Variants in KIAA1217 observed in about 807,000 individuals in gnomAD.
The protein encoded by KIAA1217 is KIAA1217, also known as sickle tail protein homolog.
A neutral mutation model predicts 163.9 loss-of-function variants in KIAA1217; 88 were observed. That is an observed-to-expected ratio of 0.54 (90% CI 0.45 to 0.64). The LOEUF (loss-of-function observed/expected upper bound fraction) is 0.64, where lower values mean the gene tolerates loss of function less well. Among genes scored for constraint, KIAA1217 ranks in the 30% least tolerant of loss-of-function variants. The pLI, the probability that KIAA1217 is intolerant of heterozygous loss-of-function variation, is 0.00. For missense variants in KIAA1217, 2,372 were observed against 2,475.0 expected (o/e 0.96, Z 0.88); for synonymous variants, 903 against 923.1 (o/e 0.98, Z 0.39).
At chr10:24,211,831 G>A (rs1399124619) in intron 1 of KIAA1217, among the ~76,000 whole-genome samples, 1 of 151,800 alleles carries the variant, frequency 6.6e-6, no homozygotes, top group African/African-American at 2.4e-5. Flanking sequence ...GGTGTATATT[G>A]AAGGTAATGC....
intron 1 of KIAA1217, among the ~76,000 whole-genome samples, chr10:23,950,016 G>C (rs1189959803): frequency 6.6e-6 from 1 of 152,108 alleles, no homozygotes; most frequent in Non-Finnish European, 1.5e-5. Context: ...CTCAAGCGTA[G>C]ATTAATAAAT....
chr10:23,808,619 AAAT>A (rs778173917), intron 1 of KIAA1217, among the ~76,000 whole-genome samples: 33 of 152,112 alleles, frequency 2.2e-4, no homozygotes, highest in Non-Finnish European at 4.0e-4. Context: ...TAATCTGAGA[AAAT>A]GATGGAGAAT....
intron 2 of KIAA1217, among the ~76,000 whole-genome samples, chr10:24,184,297 T>C (rs2066321049): frequency 6.6e-6 from 1 of 152,224 alleles, no homozygotes. Flanking sequence ...GGTTTTAAAT[T>C]TCATCAGAGT....
intron 2 of KIAA1217, among the ~76,000 whole-genome samples, chr10:24,355,528 C>A (rs1171662545): frequency 6.6e-6 from 1 of 151,890 alleles, no homozygotes; most frequent in Non-Finnish European, 1.5e-5. Flanking sequence ...ATCACAAGGG[C>A]TCTACTCTTG....
chr10:24,201,888 T>A (rs2130528939), intron 2 of KIAA1217, among the ~76,000 whole-genome samples: 1 of 151,924 alleles, frequency 6.6e-6, no homozygotes, highest in Admixed American at 6.6e-5. Flanking sequence ...TTTGAGTCTC[T>A]GGACACCCCT....
intron 2 of KIAA1217, among the ~76,000 whole-genome samples, chr10:24,115,969 G>T (rs189287164): frequency 3.3e-5 from 5 of 152,240 alleles, no homozygotes; most frequent in Admixed American, 3.3e-4. Flanking sequence ...TTACTCACTT[G>T]TAACTAATCT....
At chr10:24,394,748 C>T (rs557660079) in intron 3 of KIAA1217, among the ~76,000 whole-genome samples, 338 of 152,280 alleles carry the variant, frequency 2.2e-3, no homozygotes, top group African/African-American at 7.9e-3. Context: ...TTGATTCACC[C>T]CACAAACGCC....
intron 2 of KIAA1217, among the ~76,000 whole-genome samples, chr10:24,345,008 G>A (rs566427419): frequency 5.9e-5 from 9 of 152,302 alleles, no homozygotes; most frequent in African/African-American, 2.2e-4. Flanking sequence ...ATTGAACAAA[G>A]AGGCATAGGC....
At position 24,524,500 on chromosome 10, in the gene KIAA1217, T is replaced by C; in HGVS notation, c.2634T>C (p.Pro878=). ...GCGATGCGAAGTCGGAAGTGGTGCCTTTGTCCGGCATGATGGTTCGCCACG... is the reference window on the plus strand; with the variant it reads ...GCGATGCGAAGTCGGAAGTGGTGCCCTTGTCCGGCATGATGGTTCGCCACG... The part of the protein sequence containing the change: ...APGDAKSEVV[P]LSGMMVRHAQ... The change falls in exon 13 of 21, where the codon CCT becomes CCC. Residue 878 remains proline, a synonymous_variant. Coordinates refer to ENST00000376454, the MANE Select transcript of KIAA1217 (RefSeq NM_019590.5). The C allele has an allele frequency of 6.2e-7, 1 of 1,614,112 alleles. No homozygotes were observed. Among genetic ancestry groups the C allele is most frequent in the Non-Finnish European group, 8.5e-7 (1 of 1,180,032 alleles).
At chr10:24,360,842 C>A (rs559315713) in intron 2 of KIAA1217, among the ~76,000 whole-genome samples, 1 of 151,178 alleles carries the variant, frequency 6.6e-6, no homozygotes, top group African/African-American at 2.4e-5. Context: ...CAAATCAAAT[C>A]TCCTGTTTTT....
chr10:24,197,639 G>A lies in KIAA1217; in HGVS notation c.-170-21987G>A, dbSNP rs141600016. On this transcript the variant is annotated intron_variant, in intron 2 of 18. Transcript: ENST00000376462. ...CTACATCCTGCCAATTTTACTTCCT[G>A]AGTATTTCTCAAAGCTTTGCCTTCT... Among the ~76,000 whole-genome samples the A allele has an allele frequency of 4.6e-3, 693 of 152,124 alleles. 2 individuals carry two copies. The highest frequency in any genetic ancestry group is 0.016 in the African/African-American group (662 of 41,382).
chr10:24,316,737 G>T, intron 2 of KIAA1217, among the ~76,000 whole-genome samples: 1 of 151,996 alleles, frequency 6.6e-6, no homozygotes, highest in South Asian at 2.1e-4. Context: ...GTCACCATTT[G>T]TATCTATCAG....
At chr10:24,258,285 G>C (rs1254424845) in intron 2 of KIAA1217, among the ~76,000 whole-genome samples, 1 of 152,126 alleles carries the variant, frequency 6.6e-6, no homozygotes, top group East Asian at 1.9e-4. Context: ...CTTGGTTGCT[G>C]TGTTCTCCAA....
At chr10:24,418,905 G>A (rs543556177) in intron 3 of KIAA1217, among the ~76,000 whole-genome samples, 4 of 151,608 alleles carry the variant, frequency 2.6e-5, no homozygotes, top group South Asian at 2.1e-4. Flanking sequence ...TGCTGGGTGC[G>A]GTGGCTCACG....
chr10:24,049,192 G>T (rs1849299690), intron 2 of KIAA1217, among the ~76,000 whole-genome samples: 1 of 152,004 alleles, frequency 6.6e-6, no homozygotes, highest in South Asian at 2.1e-4. Context: ...TTAATCTGGG[G>T]TTTTCTCTGA....
At chr10:24,539,785 A>G (rs2074729007) in intron 17 of KIAA1217, among the ~76,000 whole-genome samples, 1 of 152,108 alleles carries the variant, frequency 6.6e-6, no homozygotes, top group African/African-American at 2.4e-5. Flanking sequence ...AGGGCTAAGT[A>G]TTTACCCTTC....
chr10:24,265,011 C>T (rs887895475), intron 2 of KIAA1217, among the ~76,000 whole-genome samples: 3 of 152,094 alleles, frequency 2.0e-5, no homozygotes, highest in Non-Finnish European at 2.9e-5. Flanking sequence ...CCACTACCCA[C>T]CACACCCTGC....
At chr10:24,377,572 A>G (rs974722269) in intron 2 of KIAA1217, among the ~76,000 whole-genome samples, 3 of 152,166 alleles carry the variant, frequency 2.0e-5, no homozygotes, top group African/African-American at 7.2e-5. Flanking sequence ...TTTTGGTATT[A>G]AAGTATCTTT....
chr10:24,034,913 T>C (rs916404220), intron 2 of KIAA1217, among the ~76,000 whole-genome samples: 1 of 152,228 alleles, frequency 6.6e-6, no homozygotes, highest in Non-Finnish European at 1.5e-5. Context: ...ACATCCTATC[T>C]GGGGATGCTT....
Sources: gnomAD v4.1 joint callset for allele counts (sites outside exome capture counted in the v4.1 genomes callset) on GRCh38, gnomAD v4.1.1 for gene constraint, MANE v1.5 for transcripts, NCBI Gene and HGNC (gene_info 2026-07-23, HGNC 2026-07-21) for gene names.